Variants in CDKL5 observed in about 807,000 individuals in gnomAD.
The protein encoded by CDKL5 is cyclin dependent kinase like 5, also known as cyclin-dependent kinase-like 5.
Under a neutral mutation model 61.7 loss-of-function variants are expected in CDKL5, and 8 were observed. The ratio of observed to expected loss-of-function variants is 0.13; its 90% confidence interval spans 0.08 to 0.23. The LOEUF (loss-of-function observed/expected upper bound fraction) is 0.23. CDKL5 is among the 10% of genes least tolerant of loss of function. The pLI is 1.00. For missense variants in CDKL5, 440 were observed against 734.5 expected (o/e 0.60, Z 4.63); for synonymous variants, 275 against 272.3 (o/e 1.01, Z -0.10).
chrX:18,607,053 G>A (rs187900917), intron 12 of CDKL5, among the ~76,000 whole-genome samples: 190 of 111,903 alleles, frequency 1.7e-3, no homozygotes, highest in African/African-American at 5.8e-3. Flanking sequence ...GCTCAGAGAA[G>A]TTGGGTGAGT....
chrX:18,651,264 T>TGTGTGAGAGAGGA (rs1491242962), intron 21 of CDKL5, among the ~76,000 whole-genome samples: 1 of 69,008 alleles, frequency 1.4e-5, no homozygotes, highest in African/African-American at 6.3e-5. Flanking sequence ...TGTGTGTGTG[T>TGTGTGAGAGAGGA]GAGAGAGAGA....
chrX:18,528,867 C>T (rs1435549913), intron 3 of CDKL5, among the ~76,000 whole-genome samples: 1 of 110,976 alleles, frequency 9.0e-6, no homozygotes, highest in African/African-American at 3.3e-5. Flanking sequence ...ACTCCTGGGC[C>T]TCAAGTGATC....
intron 1 of CDKL5, among the ~76,000 whole-genome samples, chrX:18,473,803 C>G (rs1263478560): frequency 9.3e-6 from 1 of 107,976 alleles, no homozygotes; most frequent in Non-Finnish European, 1.9e-5. Flanking sequence ...ACCTATGCCT[C>G]CCGGATTCAA....
chrX:18,555,741 A>G (rs1292772661), intron 3 of CDKL5, among the ~76,000 whole-genome samples: 2 of 112,230 alleles, frequency 1.8e-5, no homozygotes, highest in Non-Finnish European at 1.9e-5. Context: ...GTAGACTTCT[A>G]TGTATATAAG....
chrX:18,479,950 A>C (rs1921486131), intron 1 of CDKL5, among the ~76,000 whole-genome samples: 1 of 112,137 alleles, frequency 8.9e-6, no homozygotes, highest in Non-Finnish European at 1.9e-5. Context: ...GAAACATTGC[A>C]AAGATAGTGG....
At position 18,629,534 on chromosome X, in the gene CDKL5, T is replaced by C; in HGVS notation, c.*777T>C. Reference sequence around the variant, plus strand: ...TATCGTTATGACACTATCTGCCATATTTTTATACATTTGTGATATGAAGTG... The same window carrying C: ...TATCGTTATGACACTATCTGCCATACTTTTATACATTTGTGATATGAAGTG... On this transcript the variant is annotated 3_prime_UTR_variant, in exon 18 of 18. Transcript: ENST00000623535. The C allele has an allele frequency of 1.4e-6, 1 of 715,175 alleles. No individual in the cohort carries two copies. Among genetic ancestry groups the C allele is most frequent in the South Asian group, 7.2e-5 (1 of 13,924 alleles). The allele number at this position is 715,175 out of a possible 1,213,427, so 58.9% of individuals were successfully genotyped here.
chrX:18,518,625 C>T (rs531886731), intron 3 of CDKL5, among the ~76,000 whole-genome samples: 6 of 107,883 alleles, frequency 5.6e-5, no homozygotes, highest in South Asian at 4.0e-4. Flanking sequence ...AGGATGATCT[C>T]GATCTCTTGA....
At chrX:18,481,421 C>T (rs931835881) in intron 1 of CDKL5, among the ~76,000 whole-genome samples, 3 of 106,453 alleles carry the variant, frequency 2.8e-5, no homozygotes, top group Non-Finnish European at 5.8e-5. Context: ...TGCATGATCG[C>T]GGCTCACCAC....
rs201711593 is a variant in CDKL5, at chrX:18,633,572, TTC to T, written c.*4817_*4818del. 155 of 753,466 alleles carry T rather than the reference TTC, an allele frequency of 2.1e-4. 2 individuals carry two copies. In the East Asian group the frequency reaches 0.02, roughly 95 times the overall value. The allele number at this position is 753,466 out of a possible 1,213,427, so 62.1% of individuals were successfully genotyped here. A position where few individuals can be genotyped will look rare whatever the true frequency, so the allele number is the denominator to read the frequency against. On this transcript the variant is annotated 3_prime_UTR_variant, in exon 18 of 18. Transcript: ENST00000623535. ...GAGGTCTGGTTCAGCTGATGAAAAA[TTC>T]TGTCTCAGAAACGATGAGTAAGAAA...
chrX:18,468,770 A>G (rs146996607), intron 1 of CDKL5, among the ~76,000 whole-genome samples: 1,991 of 111,346 alleles, frequency 0.018, 53 homozygotes, highest in African/African-American at 0.061. Context: ...TTCAGATACA[A>G]TCAATTTTCT....
rs753810118 is a variant in CDKL5 at position 18,635,311 on chromosome X, A to G, written c.*6554A>G. Reference sequence around the variant, plus strand: ...CGTGATAACCTTCATTATCAGCATGAAATGGTTAATTTTTACTGAGCACAA... The same window carrying G: ...CGTGATAACCTTCATTATCAGCATGGAATGGTTAATTTTTACTGAGCACAA... On this transcript the variant is annotated 3_prime_UTR_variant, in exon 18 of 18. Transcript: ENST00000623535. 1 of 748,966 alleles carries G rather than the reference A, an allele frequency of 1.3e-6. No homozygotes were observed. Among genetic ancestry groups the G allele is most frequent in the Non-Finnish European group, 1.6e-6 (1 of 634,473 alleles). 61.7% of individuals were successfully genotyped at this position (748,966 alleles called of 1,213,427 possible). A position where few individuals can be genotyped will look rare whatever the true frequency, so the allele number is the denominator to read the frequency against.
rs1279685491 is a variant in CDKL5, at chrX:18,613,401, T to C, written c.2276+126T>C. The C allele has an allele frequency of 3.7e-5, 22 of 591,656 alleles. No individual in the cohort carries two copies. The Admixed American group carries it at 7.1e-4, about 19-fold the overall frequency. 48.8% of individuals were successfully genotyped at this position (591,656 alleles called of 1,213,427 possible). On this transcript the variant is annotated intron_variant, in intron 15 of 17. Transcript: ENST00000623535. Reference sequence around the variant, plus strand: ...GGCCTTTTTTTCTCTAGATAAATTATTGAATAAGGAAAATGTGATTTTTCA... The same window carrying C: ...GGCCTTTTTTTCTCTAGATAAATTACTGAATAAGGAAAATGTGATTTTTCA...
At chrX:18,522,583 A>C (rs1034044559) in intron 3 of CDKL5, among the ~76,000 whole-genome samples, 29 of 107,618 alleles carry the variant, frequency 2.7e-4, no homozygotes, top group African/African-American at 9.8e-4. Flanking sequence ...GGCCTCACGT[A>C]ATCCACCCAC....
intron 2 of CDKL5, among the ~76,000 whole-genome samples, chrX:18,507,552 TTTCATTCATTCATTCA>T (rs201508159): frequency 2.8e-4 from 29 of 102,712 alleles, no homozygotes; most frequent in South Asian, 4.6e-4. Flanking sequence ...ATAACTTAAA[TTTCATTCATTCATTCA>T]TTCATTCATT....
At position 18,629,205 on chromosome X, in the gene CDKL5, G is replaced by A. The variant is rs999938229; in HGVS notation, c.*448G>A. On this transcript the variant is annotated 3_prime_UTR_variant, in exon 18 of 18. Coordinates refer to ENST00000623535, the MANE Select transcript of CDKL5 (RefSeq NM_001323289.2). ...ATGTGGGGTTTATTGTAATCCAAGA[G>A]TATCCCTTTGAAGGGTTAGCAGATG... 5 of 755,749 alleles carry A rather than the reference G, an allele frequency of 6.6e-6. No individual in the cohort carries two copies. Among genetic ancestry groups the A allele is most frequent in the South Asian group, 1.3e-4 (2 of 14,879 alleles). 62.3% of individuals were successfully genotyped at this position (755,749 alleles called of 1,213,427 possible).
intron 1 of CDKL5, among the ~76,000 whole-genome samples, chrX:18,449,984 G>T (rs1398620348): frequency 2.7e-5 from 3 of 111,315 alleles, no homozygotes; most frequent in Admixed American, 9.6e-5. Flanking sequence ...TAGTAGAGTC[G>T]GGGTTTCACC....
At chrX:18,516,606 G>A (rs1318804710) in intron 3 of CDKL5, among the ~76,000 whole-genome samples, 2 of 108,707 alleles carry the variant, frequency 1.8e-5, no homozygotes, top group African/African-American at 6.7e-5. Context: ...GGCTGGTCTC[G>A]AACTCCTGGC....
At chrX:18,501,658 C>T (rs72616066) in intron 1 of CDKL5, among the ~76,000 whole-genome samples, 26,360 of 110,423 alleles carry the variant, frequency 0.24, 2,817 homozygotes, top group East Asian at 0.47. Context: ...AAGCAATTCT[C>T]CTGTCTCAGC....
At chrX:18,587,173 G>A (rs959034702) in intron 8 of CDKL5, among the ~76,000 whole-genome samples, 1 of 111,062 alleles carries the variant, frequency 9.0e-6, no homozygotes, top group African/African-American at 3.3e-5. Flanking sequence ...GCGTGTGTGT[G>A]TGGTTTCTTA....
Sources: gnomAD v4.1 joint callset for allele counts (sites outside exome capture counted in the v4.1 genomes callset) on GRCh38, gnomAD v4.1.1 for gene constraint, MANE v1.5 for transcripts, NCBI Gene and HGNC (gene_info 2026-07-23, HGNC 2026-07-21) for gene names.